Variants in UHRF2 observed in about 807,000 individuals in gnomAD.
UHRF2 encodes E3 ubiquitin-protein ligase UHRF2.
In UHRF2, 23 loss-of-function variants were observed where a neutral mutation model predicts 96.8. The observed-to-expected ratio is 0.24, with a 90% confidence interval of 0.17 to 0.34. The LOEUF is 0.34. Ranked by LOEUF, UHRF2 falls within the 10% of genes least tolerant of loss-of-function variation. The pLI is 1.00. For missense variants in UHRF2, 685 were observed against 981.5 expected (o/e 0.70, Z 4.04); for synonymous variants, 385 against 332.6 (o/e 1.16, Z -1.72).
At chr9:6,418,822 C>G (rs10758786) in intron 1 of UHRF2, among the ~76,000 whole-genome samples, 105,363 of 151,480 alleles carry the variant, frequency 0.7, 39,279 homozygotes, top group South Asian at 0.83. Context: ...ACCTGGGTGG[C>G]TTAAAACAAT....
intron 1 of UHRF2, 46 bp from the exon 2 acceptor site, chr9:6,420,866 G>T: frequency 6.9e-7 from 1 of 1,456,390 alleles, no homozygotes; most frequent in Non-Finnish European, 9.6e-7. Context: ...AATGTAGTAA[G>T]ATACATTTTA....
intron 3 of UHRF2, among the ~76,000 whole-genome samples, chr9:6,457,517 G>T (rs1822254322): frequency 6.6e-6 from 1 of 152,066 alleles, no homozygotes; most frequent in Non-Finnish European, 1.5e-5. Flanking sequence ...CTGCCTGATT[G>T]CCCTGGCCAG....
At chr9:6,468,547 A>G (rs886570411) in intron 4 of UHRF2, 7 of 455,964 alleles carry the variant, frequency 1.5e-5, no homozygotes, top group Non-Finnish European at 2.6e-5. Context: ...CTAATTCTGG[A>G]TGCAGTGTAA....
chr9:6,445,719 G>C (rs1048849594), intron 3 of UHRF2, among the ~76,000 whole-genome samples: 3 of 151,900 alleles, frequency 2.0e-5, no homozygotes, highest in African/African-American at 7.3e-5. Context: ...CACCATAACT[G>C]GCTAATTTAA....
At chr9:6,479,095 T>A (rs556294397) in intron 6 of UHRF2, among the ~76,000 whole-genome samples, 32 of 152,280 alleles carry the variant, frequency 2.1e-4, no homozygotes, top group African/African-American at 7.5e-4. Context: ...TCTTGAATTT[T>A]CAAAATACAC....
intron 3 of UHRF2, among the ~76,000 whole-genome samples, chr9:6,450,841 C>T (rs901188580): frequency 1.6e-4 from 24 of 152,142 alleles, no homozygotes; most frequent in African/African-American, 5.8e-4. Context: ...TGGGTTCAGC[C>T]ATGTCTAGGA....
intron 6 of UHRF2, among the ~76,000 whole-genome samples, chr9:6,479,897 CG>C (rs1563792201): frequency 6.6e-6 from 1 of 152,162 alleles, no homozygotes; most frequent in East Asian, 1.9e-4. Context: ...ACTTCTGTAA[CG>C]GATGTCTAAC....
chr9:6,465,137 T>C (rs1208417088), intron 4 of UHRF2, among the ~76,000 whole-genome samples: 1 of 152,196 alleles, frequency 6.6e-6, no homozygotes, highest in African/African-American at 2.4e-5. Context: ...AGGCATCTTT[T>C]TCCCCTGCTT....
Position 6,506,172 on chromosome 9 carries a change from G to C in UHRF2, c.2402G>C (p.Gly801Ala). The change falls in exon 16 of 16, where the codon GGA (glycine) becomes GCA (alanine). Residue 801 changes from glycine (G) to alanine (A), a missense_variant. This residue lies in a region of UHRF2 where 71 missense variants were observed against 114.1 expected (regional missense o/e 0.62). Coordinates refer to ENST00000276893, the MANE Select transcript of UHRF2 (RefSeq NM_152896.3). ...LDLFFPGYSKGR is the reference protein window; with the variant it reads ...LDLFFPGYSKAR ...CTTTTCTTCCCTGGCTACAGCAAAGGACGATGATCTGCCTGCTTTCACTGT... is the reference window on the plus strand; with the variant it reads ...CTTTTCTTCCCTGGCTACAGCAAAGCACGATGATCTGCCTGCTTTCACTGT... 6.2e-7 allele frequency: 1 copy of C among 1,614,056 alleles called. No individual in the cohort carries two copies. Among genetic ancestry groups the C allele is most frequent in the Non-Finnish European group, 8.5e-7 (1 of 1,179,998 alleles).
chr9:6,433,857 G>C, intron 2 of UHRF2, 57 bp from the exon 3 acceptor site: 7 of 1,556,040 alleles, frequency 4.5e-6, no homozygotes, highest in Non-Finnish European at 6.1e-6. Context: ...TTACATTAAG[G>C]TTTTTGAAGC....
intron 4 of UHRF2, among the ~76,000 whole-genome samples, chr9:6,467,234 C>G (rs1188324360): frequency 6.6e-6 from 1 of 152,144 alleles, no homozygotes; most frequent in African/African-American, 2.4e-5. Context: ...AGCTTGTTAC[C>G]TGCTTTCTCC....
At chr9:6,504,941 G>T (rs1816506186) in intron 15 of UHRF2, among the ~76,000 whole-genome samples, 1 of 152,186 alleles carries the variant, frequency 6.6e-6, no homozygotes, top group African/African-American at 2.4e-5. Context: ...AAATGGGAAA[G>T]AAGGTAAGAG....
intron 3 of UHRF2, among the ~76,000 whole-genome samples, chr9:6,449,020 A>C (rs1360822583): frequency 1.3e-5 from 2 of 152,154 alleles, no homozygotes; most frequent in Non-Finnish European, 2.9e-5. Flanking sequence ...TTTTGTCTTT[A>C]CCTTTACCAG....
chr9:6,445,191 G>T (rs977335294), intron 3 of UHRF2, among the ~76,000 whole-genome samples: 3 of 149,052 alleles, frequency 2.0e-5, no homozygotes, highest in African/African-American at 4.9e-5. Context: ...TTATTATTAA[G>T]GTTTTTGTTT....
In UHRF2 at chr9:6,413,204, T is replaced by A. The variant is rs1303804621; in HGVS notation, c.-287T>A. 1 of 160,222 alleles carries A rather than the reference T, an allele frequency of 6.2e-6. No homozygotes were observed. Among genetic ancestry groups the A allele is most frequent in the Non-Finnish European group, 1.4e-5 (1 of 73,214 alleles). 9.9% of individuals were successfully genotyped at this position (160,222 alleles called of 1,614,324 possible). ...CATGTGGGAGCTCCAGCTCTATAAGTAAACACTCTGCGCGGCGCAGACATG... is the reference window on the plus strand; with the variant it reads ...CATGTGGGAGCTCCAGCTCTATAAGAAAACACTCTGCGCGGCGCAGACATG... On this transcript the variant is annotated 5_prime_UTR_variant, in exon 1 of 16. Coordinates refer to ENST00000276893, the MANE Select transcript of UHRF2 (RefSeq NM_152896.3).
At chr9:6,419,189 G>T (rs1336809408) in intron 1 of UHRF2, among the ~76,000 whole-genome samples, 1 of 152,170 alleles carries the variant, frequency 6.6e-6, no homozygotes, top group African/African-American at 2.4e-5. Context: ...ACGCAACTTA[G>T]CTCGTAACAG....
Position 6,413,358 on chromosome 9 carries a change from CGGTCCGGTG to C in UHRF2, c.-130_-122del, listed in dbSNP as rs1475380297. The C allele has an allele frequency of 4.4e-6, 4 of 917,340 alleles. No homozygotes were observed. Among genetic ancestry groups the C allele is most frequent in the Non-Finnish European group, 4.2e-6 (3 of 719,812 alleles). The allele number at this position is 917,340 out of a possible 1,614,324, so 56.8% of individuals were successfully genotyped here. On this transcript the variant is annotated 5_prime_UTR_variant, in exon 1 of 16. Coordinates refer to ENST00000276893, the MANE Select transcript of UHRF2 (RefSeq NM_152896.3). ...CCGCCTGTCGGGCCCGGCGTCCGGT[CGGTCCGGTG>C]GGCGCGCTCGCCCGCCTGCCGCTGA...
At chr9:6,497,943 T>C in intron 11 of UHRF2, 75 bp from the exon 12 acceptor site, 1 of 1,546,708 alleles carries the variant, frequency 6.5e-7, no homozygotes, top group Non-Finnish European at 8.7e-7. Context: ...TGGCAAAGAT[T>C]ATTTTGATAC....
At chr9:6,447,555 G>A (rs1821592939) in intron 3 of UHRF2, among the ~76,000 whole-genome samples, 1 of 152,194 alleles carries the variant, frequency 6.6e-6, no homozygotes, top group Admixed American at 6.5e-5. Flanking sequence ...TACAGCTGGA[G>A]TGTAGAAAGC....
Sources: gnomAD v4.1 joint callset for allele counts (sites outside exome capture counted in the v4.1 genomes callset) on GRCh38, gnomAD v4.1.1 for gene constraint, gnomAD v4.1.1 regional missense constraint, MANE v1.5 for transcripts, NCBI Gene and HGNC (gene_info 2026-07-23, HGNC 2026-07-21) for gene names.